Variants in KIF22 observed in about 807,000 individuals in gnomAD.
The protein encoded by KIF22 is kinesin family member 22.
A neutral mutation model predicts 73.0 loss-of-function variants in KIF22; 62 were observed. That is an observed-to-expected ratio of 0.85 (90% CI 0.69 to 1.05). The LOEUF is 1.05. KIF22 is among the 50% of genes least tolerant of loss of function. The pLI is 0.00. For missense variants in KIF22, 854 were observed against 870.1 expected (o/e 0.98, Z 0.23); for synonymous variants, 411 against 340.1 (o/e 1.21, Z -2.29).
At chr16:29,793,089 C>T (rs1405783217) in intron 1 of KIF22, among the ~76,000 whole-genome samples, 2 of 152,104 alleles carry the variant, frequency 1.3e-5, no homozygotes, top group African/African-American at 4.8e-5. Context: ...TCATTTACAT[C>T]AGAGATCAAA....
rs935926058 is a variant in KIF22, at chr16:29,805,169, C to T, written c.1945C>T (p.Leu649=). ...AACGGGGAAACAGATGGAGTCCTTC[C>T]TGAAGGTGAAGTCACGGCCCTGCCC... The part of the protein sequence containing the change: ...GITGKQMESF[L]KANILGLAAG... The change falls in exon 13 of 14, where the codon CTG becomes TTG. Residue 649 remains leucine (L), a synonymous_variant. Transcript: ENST00000160827. 3.1e-6 allele frequency: 5 copies of T among 1,614,118 alleles called. No homozygotes were observed. The highest frequency in any genetic ancestry group is 3.3e-4 in the Middle Eastern group (2 of 6,062).
chr16:29,795,410 T>C (rs1190331364), intron 1 of KIF22, among the ~76,000 whole-genome samples: 1 of 152,210 alleles, frequency 6.6e-6, no homozygotes, highest in African/African-American at 2.4e-5. Context: ...CCTTTTCGTC[T>C]TGCTGTTTCT....
chr16:29,794,675 G>T (rs150013538), intron 1 of KIF22, among the ~76,000 whole-genome samples: 7 of 151,930 alleles, frequency 4.6e-5, no homozygotes, highest in African/African-American at 1.7e-4. Context: ...TCCACTTCCC[G>T]CATTCAAGCA....
rs201726114 is a variant in KIF22, at chr16:29,797,013, C to A, written c.191C>A (p.Pro64His). 2.4e-5 allele frequency: 39 copies of A among 1,613,862 alleles called. No homozygotes were observed. The highest frequency in any genetic ancestry group is 8.8e-5 in the South Asian group (8 of 91,058). ...VDGTAGASDP[P>H]CVRGMDSCSL... ...GGAACAGCGGGAGCAAGTGATCCCC[C>A]CTGTGTGCGGGGCATGGACAGCTGC... is the stretch of plus-strand genomic sequence containing the variant. Residue 64 changes from proline (P) to histidine (H), a missense_variant, in exon 2 of 14, where the codon CCC (proline) becomes CAC (histidine). Pro to His is a moderately conservative substitution (Grantham distance 77). This residue lies in a region of KIF22 where 186 missense variants were observed against 152.9 expected (regional missense o/e 1.22). Coordinates refer to ENST00000160827, the MANE Select transcript of KIF22 (RefSeq NM_007317.3). This position sits in a 1 kb window ranked among gnomAD's most constrained non-coding sequence, Gnocchi z 4.1.
intron 11 of KIF22, 175 bp downstream of exon 11, chr16:29,804,240 C>CT: frequency 1.6e-6 from 1 of 642,616 alleles, no homozygotes; most frequent in South Asian, 1.7e-5. Flanking sequence ...CCTTGCAGGG[C>CT]ATTTAGGGTG....
In KIF22 at chr16:29,805,046, G is replaced by A. The variant is rs528581337; in HGVS notation, c.1890+20G>A. On this transcript the variant is annotated intron_variant, in intron 12 of 13. Coordinates refer to ENST00000160827, the MANE Select transcript of KIF22 (RefSeq NM_007317.3). ...AGCCAGGTAGCAGCCCACTGGACTG[G>A]GGGAGGGCGGGGGCGGGGGAGACCG... 10 of 1,611,852 alleles carry A rather than the reference G, an allele frequency of 6.2e-6. No individual in the cohort carries two copies. In the South Asian group the frequency reaches 8.8e-5, roughly 14 times the overall value.
At chr16:29,794,556 T>C (rs1898901800) in intron 1 of KIF22, among the ~76,000 whole-genome samples, 1 of 152,182 alleles carries the variant, frequency 6.6e-6, no homozygotes, top group Non-Finnish European at 1.5e-5. Context: ...GTCACTGTGC[T>C]GCCACTTTAT....
At position 29,804,903 on chromosome 16, in the gene KIF22, C is replaced by T; in HGVS notation, c.1767C>T (p.Arg589=). 6.2e-7 allele frequency: 1 copy of T among 1,613,930 alleles called. No individual in the cohort carries two copies. The change falls in exon 12 of 14, where the codon CGC becomes CGT. Residue 589 remains arginine, a synonymous_variant. Transcript: ENST00000160827. ...GCCCGGAGCTACTGGCTCATGGGCG[C>T]CAAAAAATACTGGATCTGCTGAACG... ...QISPELLAHG[R]QKILDLLNEG...
At position 29,792,019 on chromosome 16, in the gene KIF22, G is replaced by A. The variant is rs145782959; in HGVS notation, c.70+1190G>A. On this transcript the variant is annotated intron_variant, in intron 1 of 13. Coordinates refer to ENST00000160827, the MANE Select transcript of KIF22 (RefSeq NM_007317.3). ...TGAGAGATGTGTATAAACTGAGGGTGTGGAATCTGAAGTAAGCCCTTGAGT... is the reference window on the plus strand; with the variant it reads ...TGAGAGATGTGTATAAACTGAGGGTATGGAATCTGAAGTAAGCCCTTGAGT... Among the ~76,000 whole-genome samples the A allele has an allele frequency of 4.7e-4, 71 of 152,344 alleles. 1 individual carries two copies. The East Asian group carries it at 0.012, about 25-fold the overall frequency.
At position 29,805,296 on chromosome 16, in the gene KIF22, T is replaced by G; in HGVS notation, c.1984T>G (p.Cys662Gly). 6.2e-7 allele frequency: 1 copy of G among 1,613,704 alleles called. No individual in the cohort carries two copies. Among genetic ancestry groups the G allele is most frequent in the African/African-American group, 1.3e-5 (1 of 75,072 alleles). Residue 662 changes from cysteine to glycine, a missense_variant, in exon 14 of 14, where the codon TGT becomes GGT. This residue lies in a region of KIF22 where 423 missense variants were observed against 365.4 expected (regional missense o/e 1.16). Transcript: ENST00000160827. ...CCTGGGTCTCGCCGCCGGCCAGCGC[T>G]GTGGCGCCTCCTGACCGTCGTCTCC... Reference protein sequence around the residue: ...NILGLAAGQRCGAS With the variant: ...NILGLAAGQRGGAS
At chr16:29,802,621 C>A in intron 8 of KIF22, 148 bp from the exon 9 acceptor site, 2 of 697,896 alleles carry the variant, frequency 2.9e-6, no homozygotes, top group East Asian at 3.2e-5. Flanking sequence ...GAAGACACTG[C>A]ACCCAGAGAA....
chr16:29,795,944 C>T (rs963531625), intron 1 of KIF22, among the ~76,000 whole-genome samples: 2 of 151,978 alleles, frequency 1.3e-5, no homozygotes, highest in Admixed American at 6.6e-5. Context: ...AGTATACATA[C>T]GTCTCAATAC....
At chr16:29,802,224 C>G (rs539540871) in intron 8 of KIF22, among the ~76,000 whole-genome samples, 26 of 125,238 alleles carry the variant, frequency 2.1e-4, no homozygotes, top group Non-Finnish European at 3.9e-4. Context: ...GCTGTGATCT[C>G]AACACTGCAC....
chr16:29,799,956 A>G lies in KIF22; in HGVS notation c.1188A>G (p.Pro396=). Residue 396 remains proline (P), a synonymous_variant, in exon 8 of 14, where the codon CCA becomes CCG. Coordinates refer to ENST00000160827, the MANE Select transcript of KIF22 (RefSeq NM_007317.3). ...TGTCTCAGAAAGAATTGCTTGGTCC[A>G]CCAGAGGCAAAGAGAGCCCGAGGCC... is the stretch of plus-strand genomic sequence containing the variant. The part of the protein sequence containing the change: ...VKLSQKELLG[P]PEAKRARGPE... 3.7e-6 allele frequency: 6 copies of G among 1,614,180 alleles called. No homozygotes were observed. Among genetic ancestry groups the G allele is most frequent in the Non-Finnish European group, 5.1e-6 (6 of 1,180,036 alleles).
chr16:29,804,446 C>T (rs1899272530), intron 11 of KIF22: 2 of 631,480 alleles, frequency 3.2e-6, no homozygotes, highest in African/African-American at 3.6e-5. Context: ...GGGGAGGTAT[C>T]ATTTATTCAT....
At chr16:29,791,184 A>G (rs1596839701) in intron 1 of KIF22, 8 of 1,154,726 alleles carry the variant, frequency 6.9e-6, no homozygotes, top group East Asian at 5.1e-5. Flanking sequence ...AGAGTGGCGG[A>G]CGCTCTAGCC....
rs577123814 is a variant in KIF22, at chr16:29,798,888, G to A, written c.550-87G>A. 1.2e-5 allele frequency: 19 copies of A among 1,548,012 alleles called. No individual in the cohort carries two copies. Among genetic ancestry groups the A allele is most frequent in the Middle Eastern group, 3.5e-4 (2 of 5,772 alleles). ...CTGGGGTAGCAGATGGTACAACTCC[G>A]AGAATAGAACAGAGAAAGGAAACTG... On this transcript the variant is annotated intron_variant, in intron 4 of 13. Coordinates refer to ENST00000160827, the MANE Select transcript of KIF22 (RefSeq NM_007317.3). This position sits in a 1 kb window ranked among gnomAD's most constrained non-coding sequence, Gnocchi z 4.1.
chr16:29,805,244 C>T lies in KIF22; in HGVS notation c.1951-19C>T, dbSNP rs756921455. On this transcript the variant is annotated intron_variant, in intron 13 of 13. Transcript: ENST00000160827. ...CGCCCCTCTCTAACGTCGCTGTCTC[C>T]CTCCCTCCTGTGTTGCAGGCAAACA... 11 of 1,613,750 alleles carry T rather than the reference C, an allele frequency of 6.8e-6. No individual in the cohort carries two copies. The highest frequency in any genetic ancestry group is 4.5e-5 in the East Asian group (2 of 44,822).
In KIF22 at chr16:29,804,341, G is replaced by C. The variant is rs1179323505; in HGVS notation, c.1677+276G>C. 5.0e-6 allele frequency: 3 copies of C among 601,364 alleles called. No homozygotes were observed. The African/African-American group carries it at 5.6e-5, about 11-fold the overall frequency. The allele number at this position is 601,364 out of a possible 1,614,324, so 37.3% of individuals were successfully genotyped here. Reference sequence around the variant, plus strand: ...CTACAAGCTTAAGAGGGAAAACTTAGGGAACTATGACCTAAGCAGTCAAGC... The same window carrying C: ...CTACAAGCTTAAGAGGGAAAACTTACGGAACTATGACCTAAGCAGTCAAGC... On this transcript the variant is annotated intron_variant, in intron 11 of 13. Transcript: ENST00000160827.
Sources: allele counts gnomAD v4.1 joint callset (sites outside exome capture counted in the v4.1 genomes callset), GRCh38; gene constraint gnomAD v4.1.1; regional missense constraint gnomAD v4.1.1; non-coding constraint Gnocchi (gnomAD v3.1); transcripts MANE v1.5; gene names NCBI Gene and HGNC (gene_info 2026-07-23, HGNC 2026-07-21).